TRPM3: variants seen among roughly 807,000 people sequenced by gnomAD.
TRPM3 encodes the protein transient receptor potential cation channel subfamily M member 3, also known as long transient receptor potential channel 3.
TRPM3 carries 77 observed loss-of-function variants against 181.2 expected under a neutral mutation model. The ratio of observed to expected loss-of-function variants is 0.42; its 90% CI spans 0.35 to 0.51. The LOEUF (loss-of-function observed/expected upper bound fraction) is 0.51. Among genes scored for constraint, TRPM3 ranks in the 20% least tolerant of loss-of-function variants. The pLI, the probability that TRPM3 is intolerant of heterozygous loss-of-function variation, is 0.01. For missense variants in TRPM3, 1,759 were observed against 2,196.7 expected, an observed-to-expected ratio of 0.80 and a Z score of 3.98; for synonymous variants, 745 against 796.4, an observed-to-expected ratio of 0.94 and a Z score of 1.09.
chr9:71,335,021 A>G (rs1454796418), intron 1 of TRPM3, among the ~76,000 whole-genome samples: 1 of 152,186 alleles, frequency 6.6e-6, no homozygotes, highest in Non-Finnish European at 1.5e-5. Context: ...ACAAAATGTC[A>G]TCACCACTTA....
intron 19 of TRPM3, among the ~76,000 whole-genome samples, chr9:70,606,193 T>C (rs1232669945): frequency 6.6e-6 from 1 of 152,212 alleles, no homozygotes; most frequent in Non-Finnish European, 1.5e-5. Flanking sequence ...TGGGGATCTA[T>C]ATATCTATCT....
At chr9:71,145,207 A>T (rs2075338054) in intron 1 of TRPM3, among the ~76,000 whole-genome samples, 1 of 152,188 alleles carries the variant, frequency 6.6e-6, no homozygotes. Context: ...TGTGAAGTCA[A>T]AAAGGATATT....
At chr9:70,863,939 C>T (rs1372970612) in intron 2 of TRPM3, among the ~76,000 whole-genome samples, 1 of 152,052 alleles carries the variant, frequency 6.6e-6, no homozygotes, top group African/African-American at 2.4e-5. Context: ...CATATATATG[C>T]TACTTTATCC....
chr9:70,938,815 G>A (rs936041409), intron 1 of TRPM3, among the ~76,000 whole-genome samples: 2 of 151,976 alleles, frequency 1.3e-5, no homozygotes, highest in African/African-American at 4.8e-5. Flanking sequence ...AAAATTAGCT[G>A]GGCATGGTGG....
chr9:71,152,536 G>T (rs1003835104), intron 1 of TRPM3, among the ~76,000 whole-genome samples: 1 of 151,986 alleles, frequency 6.6e-6, no homozygotes, highest in Non-Finnish European at 1.5e-5. Flanking sequence ...ACAAATAAGG[G>T]ATAATTTTAT....
intron 1 of TRPM3, among the ~76,000 whole-genome samples, chr9:71,112,870 A>G (rs1049091050): frequency 6.6e-6 from 1 of 152,208 alleles, no homozygotes; most frequent in Non-Finnish European, 1.5e-5. Flanking sequence ...TGCGTTGAGC[A>G]TTAAAATATG....
chr9:71,246,994 CAG>C (rs1338149179), intron 1 of TRPM3, among the ~76,000 whole-genome samples: 1 of 152,168 alleles, frequency 6.6e-6, no homozygotes, highest in Non-Finnish European at 1.5e-5. Context: ...ATTCAGGGAA[CAG>C]AGTCTACTGA....
At chr9:71,005,239 T>C (rs1406393401) in intron 1 of TRPM3, among the ~76,000 whole-genome samples, 1 of 152,132 alleles carries the variant, frequency 6.6e-6, no homozygotes, top group Non-Finnish European at 1.5e-5. Flanking sequence ...AAACCTCATT[T>C]CTACTAAAAA....
chr9:71,149,195 T>C (rs1438549944), intron 1 of TRPM3, among the ~76,000 whole-genome samples: 1 of 151,568 alleles, frequency 6.6e-6, no homozygotes, highest in Non-Finnish European at 1.5e-5. Context: ...AGCCCAGGAG[T>C]TCAACACCAG....
At chr9:71,051,443 A>G (rs1358826281) in intron 1 of TRPM3, among the ~76,000 whole-genome samples, 1 of 152,150 alleles carries the variant, frequency 6.6e-6, no homozygotes, top group African/African-American at 2.4e-5. Flanking sequence ...AGAGGTAGCC[A>G]CGTACCCAAG....
intron 1 of TRPM3, among the ~76,000 whole-genome samples, chr9:71,359,579 C>A (rs1167053340): frequency 6.6e-6 from 1 of 152,048 alleles, no homozygotes; most frequent in African/African-American, 2.4e-5. Context: ...TTGCTAGCAA[C>A]AAATATTATG....
chr9:71,396,319 T>C (rs1261274067), intron 1 of TRPM3, among the ~76,000 whole-genome samples: 1 of 107,332 alleles, frequency 9.3e-6, no homozygotes, highest in Non-Finnish European at 2.1e-5. Flanking sequence ...AAAAAAAAAA[T>C]CCTTAATTAA....
Position 71,391,693 on chromosome 9 carries a change from A to G in TRPM3, c.183+54960T>C, listed in dbSNP as rs1310691462. Reference sequence around the variant, plus strand: ...AAATCGAATTTGACTATTACATCAAATGCTTTCAAATTGCTGATATTCAAC... The same window carrying G: ...AAATCGAATTTGACTATTACATCAAGTGCTTTCAAATTGCTGATATTCAAC... On this transcript the variant is annotated intron_variant, in intron 1 of 24. Transcript: ENST00000357533. Among the ~76,000 whole-genome samples, 3 of 152,108 alleles carry G rather than the reference A, an allele frequency of 2.0e-5. No homozygotes were observed. In the East Asian group the frequency reaches 5.8e-4, roughly 29 times the overall value.
At chr9:71,389,982 C>A (rs201920609) in intron 1 of TRPM3, among the ~76,000 whole-genome samples, 5 of 152,038 alleles carry the variant, frequency 3.3e-5, no homozygotes, top group African/African-American at 1.2e-4. Flanking sequence ...TTAAAAAAAA[C>A]TTATTTGGAA....
rs552952041 is a variant in TRPM3, at chr9:71,276,640, T to A, written c.183+170013A>T. On this transcript the variant is annotated intron_variant, in intron 1 of 24. Coordinates refer to the TRPM3 transcript ENST00000357533. ...CATGACTACAAGTTTGGCAAAAATATAAATATGGAATAATATCAAGCAATG... is the reference window on the plus strand; with the variant it reads ...CATGACTACAAGTTTGGCAAAAATAAAAATATGGAATAATATCAAGCAATG... Among the ~76,000 whole-genome samples the A allele has an allele frequency of 3.3e-5, 5 of 152,234 alleles. No individual in the cohort carries two copies. The East Asian group carries it at 9.6e-4, about 29-fold the overall frequency.
intron 1 of TRPM3, among the ~76,000 whole-genome samples, chr9:71,198,419 G>T (rs1348015737): frequency 2.0e-5 from 3 of 152,122 alleles, no homozygotes; most frequent in African/African-American, 7.2e-5. Context: ...AAAGTCATTG[G>T]TAGCTTCATG....
At chr9:70,982,841 C>T (rs1305620131) in intron 1 of TRPM3, among the ~76,000 whole-genome samples, 1 of 152,124 alleles carries the variant, frequency 6.6e-6, no homozygotes, top group African/African-American at 2.4e-5. Context: ...GCTGGGATTA[C>T]AGGTGCCCGC....
intron 1 of TRPM3, among the ~76,000 whole-genome samples, chr9:70,959,322 T>C (rs1590086701): frequency 6.6e-6 from 1 of 151,936 alleles, no homozygotes. Flanking sequence ...ATAAACATGA[T>C]AATAATAATA....
intron 1 of TRPM3, among the ~76,000 whole-genome samples, chr9:71,378,574 C>T (rs1179899535): frequency 1.3e-5 from 2 of 152,020 alleles, no homozygotes; most frequent in South Asian, 2.1e-4. Flanking sequence ...AGACACCACA[C>T]CAAGTTCTGA....
Sources: gnomAD v4.1 joint callset for allele counts (sites outside exome capture counted in the v4.1 genomes callset) on GRCh38, gnomAD v4.1.1 for gene constraint, MANE v1.5 for transcripts, NCBI Gene and HGNC (gene_info 2026-07-23, HGNC 2026-07-21) for gene names.